KAZN: variants seen among roughly 807,000 people sequenced by gnomAD.
The protein encoded by KAZN is kazrin.
KAZN carries 40 observed loss-of-function variants against 87.4 expected under a neutral mutation model. The ratio of observed to expected loss-of-function variants is 0.46; its 90% CI spans 0.36 to 0.60. The LOEUF (loss-of-function observed/expected upper bound fraction) is 0.60, where lower values mean the gene tolerates loss of function less well. Ranked by LOEUF, KAZN falls within the 20% of genes least tolerant of loss-of-function variation. The probability of loss-of-function intolerance (pLI) is 0.00; values close to 1 mark genes in which losing one functional copy is unlikely to be tolerated. For missense variants in KAZN, 898 were observed against 1,073.9 expected, an observed-to-expected ratio of 0.84 and a Z score of 2.29; for synonymous variants, 466 against 458.3, an observed-to-expected ratio of 1.02 and a Z score of -0.22.
At chr1:13,896,780 T>C (rs150565497) in intron 1 of KAZN, among the ~76,000 whole-genome samples, 87 of 152,316 alleles carry the variant, frequency 5.7e-4, no homozygotes, top group African/African-American at 1.9e-3. Context: ...TGTAAGTATC[T>C]CATGTCTTAG....
intron 1 of KAZN, chr1:14,692,506 C>A: frequency 5.3e-6 from 1 of 187,948 alleles, no homozygotes; most frequent in Non-Finnish European, 1.1e-5. Flanking sequence ...ACTAGTGGCA[C>A]TCCGTATGGG....
At chr1:14,898,538 A>T (rs1013336166) in intron 1 of KAZN, among the ~76,000 whole-genome samples, 32 of 152,184 alleles carry the variant, frequency 2.1e-4, no homozygotes, top group African/African-American at 7.7e-4. Context: ...GGACAAGAGA[A>T]AGCAAAGGGG....
At chr1:15,038,945 G>T (rs1372388414) in intron 3 of KAZN, among the ~76,000 whole-genome samples, 1 of 150,496 alleles carries the variant, frequency 6.6e-6, no homozygotes, top group African/African-American at 2.4e-5. Context: ...ATACAGACAC[G>T]AATGTGCTAT....
At chr1:14,280,540 A>G (rs1652772679) in intron 2 of KAZN, among the ~76,000 whole-genome samples, 1 of 152,094 alleles carries the variant, frequency 6.6e-6, no homozygotes, top group African/African-American at 2.4e-5. Flanking sequence ...CAAGCCAAGG[A>G]GCACCAAAGA....
intron 10 of KAZN, among the ~76,000 whole-genome samples, chr1:15,100,264 G>A (rs541491188): frequency 2.0e-4 from 30 of 152,264 alleles, no homozygotes; most frequent in East Asian, 3.9e-4. Flanking sequence ...GGGTGGTCAC[G>A]GGATGCTGAA....
intron 1 of KAZN, among the ~76,000 whole-genome samples, chr1:14,759,181 A>G (rs1398673855): frequency 6.6e-6 from 1 of 152,162 alleles, no homozygotes; most frequent in Non-Finnish European, 1.5e-5. Flanking sequence ...CCACGGCAGG[A>G]GCTCGCGTTC....
At chr1:14,829,956 C>A (rs1278957670) in intron 1 of KAZN, among the ~76,000 whole-genome samples, 1 of 152,242 alleles carries the variant, frequency 6.6e-6, no homozygotes, top group African/African-American at 2.4e-5. Context: ...CTAGCCCCCA[C>A]TAGCAAGTGG....
chr1:14,127,502 C>T (rs1368775578), intron 1 of KAZN, among the ~76,000 whole-genome samples: 3 of 150,614 alleles, frequency 2.0e-5, no homozygotes, highest in African/African-American at 4.9e-5. Flanking sequence ...GGAAATCCAA[C>T]GCTAATGGGG....
chr1:14,884,446 C>T (rs1653822598), intron 1 of KAZN, among the ~76,000 whole-genome samples: 1 of 152,098 alleles, frequency 6.6e-6, no homozygotes. Context: ...TCTACCGTGC[C>T]ACTGAATTAA....
chr1:14,403,553 C>T (rs972983798), intron 2 of KAZN, among the ~76,000 whole-genome samples: 1 of 152,058 alleles, frequency 6.6e-6, no homozygotes, highest in Non-Finnish European at 1.5e-5. Flanking sequence ...AAAGAATTTT[C>T]AACATCAATA....
chr1:15,098,340 C>T (rs556902873), intron 10 of KAZN, among the ~76,000 whole-genome samples: 43 of 152,344 alleles, frequency 2.8e-4, no homozygotes, highest in Admixed American at 4.6e-4. Context: ...CAGCTGGGAA[C>T]GTATCGCCAA....
chr1:14,904,678 G>A (rs533925859), intron 1 of KAZN, among the ~76,000 whole-genome samples: 6 of 152,328 alleles, frequency 3.9e-5, no homozygotes, highest in South Asian at 4.1e-4. Context: ...CTGGAATAAC[G>A]GCATCTTCCT....
intron 2 of KAZN, among the ~76,000 whole-genome samples, chr1:14,413,644 G>C (rs1002826789): frequency 1.3e-4 from 16 of 118,968 alleles, no homozygotes; most frequent in Non-Finnish European, 8.7e-5. Flanking sequence ...AATATAGGAA[G>C]ACTACCTTTA....
chr1:14,552,936 GC>G (rs1365794340), intron 2 of KAZN, among the ~76,000 whole-genome samples: 3 of 152,130 alleles, frequency 2.0e-5, no homozygotes, highest in Non-Finnish European at 4.4e-5. Context: ...ACTATGATGG[GC>G]TACAGCGGAC....
At chr1:13,931,266 G>A (rs12029613) in intron 1 of KAZN, among the ~76,000 whole-genome samples, 2,497 of 152,262 alleles carry the variant, frequency 0.016, 63 homozygotes, top group African/African-American at 0.055. Flanking sequence ...TAATGGTCCA[G>A]GTACATGGCT....
At chr1:15,020,591 C>T (rs1670570357) in intron 2 of KAZN, among the ~76,000 whole-genome samples, 1 of 152,140 alleles carries the variant, frequency 6.6e-6, no homozygotes, top group Non-Finnish European at 1.5e-5. Context: ...TTCTGCGTCA[C>T]GTGTGGCCAT....
chr1:15,067,653 T>C lies in KAZN; in HGVS notation c.1222+1900T>C, dbSNP rs983816789. The C allele has an allele frequency of 4.1e-6, 4 of 985,334 alleles. No individual in the cohort carries two copies. In the African/African-American group the frequency reaches 7.0e-5, roughly 17 times the overall value. The allele number at this position is 985,334 out of a possible 1,614,324, so 61.0% of individuals were successfully genotyped here. A position where few individuals can be genotyped will look rare whatever the true frequency, so the allele number is the denominator to read the frequency against. On this transcript the variant is annotated intron_variant, in intron 8 of 14. Transcript: ENST00000376030. ...CTCTATCAGAAGGCATAGGACATTGTGTCCAAAGTCTCAAGAACAAACAAC... is the reference window on the plus strand; with the variant it reads ...CTCTATCAGAAGGCATAGGACATTGCGTCCAAAGTCTCAAGAACAAACAAC...
intron 2 of KAZN, among the ~76,000 whole-genome samples, chr1:14,194,984 T>C (rs1007651760): frequency 7.9e-5 from 12 of 152,144 alleles, no homozygotes; most frequent in African/African-American, 2.9e-4. Flanking sequence ...TCAAGTATAG[T>C]TCTCATTTTC....
rs144096214 is a variant in KAZN at position 13,961,518 on chromosome 1, T to C, written c.91+67762T>C. 4.6e-5 allele frequency among the ~76,000 whole-genome samples: 7 copies of C among 152,304 alleles called. No homozygotes were observed. In the East Asian group the frequency reaches 1.3e-3, roughly 29 times the overall value. ...TATTTAATGAAGGCCCAAGGTGCCT[T>C]GTAGGGGTGCAATTGGTTTGTTCCC... On this transcript the variant is annotated intron_variant, in intron 1 of 16. Transcript: ENST00000636203.
Sources: gnomAD v4.1 joint callset for allele counts (sites outside exome capture counted in the v4.1 genomes callset) on GRCh38, gnomAD v4.1.1 for gene constraint, MANE v1.5 for transcripts, NCBI Gene and HGNC (gene_info 2026-07-23, HGNC 2026-07-21) for gene names.